The following RAB38 variants were observed in gnomAD, a reference collection of about 807,000 sequenced individuals.
RAB38 encodes the protein RAB38, member RAS oncogene family, also known as ras-related protein Rab-38.
Under a neutral mutation model 18.4 loss-of-function variants are expected in RAB38, and 15 were observed. The ratio of observed to expected loss-of-function variants is 0.82; its 90% CI spans 0.55 to 1.26. The LOEUF is 1.26. Ranked by LOEUF, RAB38 falls within the 50% of genes most tolerant of loss-of-function variation. The pLI is 0.00. For synonymous variants in RAB38, 101 were observed against 104.4 expected, an observed-to-expected ratio of 0.97 and a Z score of 0.20; for missense variants, 294 against 267.4, an observed-to-expected ratio of 1.10 and a Z score of -0.69.
the RAB38 span, among the ~76,000 whole-genome samples, chr11:87,948,506 C>T: frequency 1.3e-5 from 2 of 151,758 alleles, no homozygotes; most frequent in East Asian, 3.9e-4. Context: ...AGTTTTTGCC[C>T]ATTCAGTATG....
chr11:87,960,164 T>C, the RAB38 span, among the ~76,000 whole-genome samples: 2 of 152,096 alleles, frequency 1.3e-5, no homozygotes, highest in Non-Finnish European at 2.9e-5. Context: ...AGAAAAGTGC[T>C]TCTCAAAGTT....
At chr11:87,912,795 A>G in the RAB38 span, among the ~76,000 whole-genome samples, 4,928 of 84,706 alleles carry the variant, frequency 0.058, 341 homozygotes, top group African/African-American at 0.17. Context: ...TCCTTCAGGT[A>G]GAAGTTTTTT....
the RAB38 span, among the ~76,000 whole-genome samples, chr11:88,049,828 C>T: frequency 1.1e-4 from 16 of 152,318 alleles, no homozygotes; most frequent in East Asian, 1.9e-3. Flanking sequence ...AATTCACCGT[C>T]TGGGCCAAAT....
the RAB38 span, among the ~76,000 whole-genome samples, chr11:87,953,088 GATC>G: frequency 6.6e-6 from 1 of 151,992 alleles, no homozygotes; most frequent in South Asian, 2.1e-4. Context: ...GACTCCTGAT[GATC>G]ATTTCATATA....
At chr11:87,919,267 G>A in the RAB38 span, among the ~76,000 whole-genome samples, 1 of 151,858 alleles carries the variant, frequency 6.6e-6, no homozygotes, top group African/African-American at 2.4e-5. Context: ...GGCCTTTATT[G>A]TGTTGTGGAA....
At chr11:87,806,616 G>A in the RAB38 span, among the ~76,000 whole-genome samples, 2 of 151,882 alleles carry the variant, frequency 1.3e-5, no homozygotes, top group Non-Finnish European at 2.9e-5. Context: ...TTTATATCCT[G>A]TTTCATTTGT....
the RAB38 span, among the ~76,000 whole-genome samples, chr11:87,939,757 T>G: frequency 6.6e-6 from 1 of 152,184 alleles, no homozygotes; most frequent in Non-Finnish European, 1.5e-5. Context: ...TTAGGCATGG[T>G]GGCTCACGCC....
At chr11:87,878,971 A>ATTTTTTTT in the RAB38 span, among the ~76,000 whole-genome samples, 3 of 133,784 alleles carry the variant, frequency 2.2e-5, no homozygotes, top group Non-Finnish European at 4.8e-5. Flanking sequence ...GCAATTACTG[A>ATTTTTTTT]TTTTTTTTTT....
At chr11:87,940,050 GATCA>G in the RAB38 span, among the ~76,000 whole-genome samples, 1 of 150,526 alleles carries the variant, frequency 6.6e-6, no homozygotes, top group African/African-American at 2.4e-5. Flanking sequence ...CAGTAGAAAA[GATCA>G]AACAAAAAAT....
At chr11:88,034,033 T>C in the RAB38 span, among the ~76,000 whole-genome samples, 33 of 152,316 alleles carry the variant, frequency 2.2e-4, no homozygotes, top group South Asian at 6.8e-3. Flanking sequence ...TGCAGTTGTG[T>C]TGCACTTTTA....
intron 1 of RAB38, chr11:88,167,609 G>C (rs1342393270): frequency 6.6e-6 from 1 of 152,108 alleles, no homozygotes; most frequent in East Asian, 1.9e-4. Flanking sequence ...AGGTAGAAAA[G>C]ACAAAATTTA....
At chr11:88,083,333 C>T in the RAB38 span, among the ~76,000 whole-genome samples, 1 of 151,638 alleles carries the variant, frequency 6.6e-6, no homozygotes, top group Non-Finnish European at 1.5e-5. Context: ...TTCCTTGATT[C>T]AAAGACACAG....
the RAB38 span, among the ~76,000 whole-genome samples, chr11:88,072,201 A>C: frequency 6.6e-6 from 1 of 152,252 alleles, no homozygotes; most frequent in Admixed American, 6.5e-5. Context: ...TTGAAGAAAG[A>C]GGAAGCTTGT....
chr11:88,107,488 C>T, the RAB38 span, among the ~76,000 whole-genome samples: 2 of 151,942 alleles, frequency 1.3e-5, no homozygotes, highest in Non-Finnish European at 2.9e-5. Context: ...TAGCACTATA[C>T]TAAGTGTTTT....
At chr11:87,934,435 A>G in the RAB38 span, among the ~76,000 whole-genome samples, 6 of 152,286 alleles carry the variant, frequency 3.9e-5, no homozygotes, top group South Asian at 1.0e-3. Flanking sequence ...TGCTAACCTC[A>G]TAGGTAGCCT....
the RAB38 span, among the ~76,000 whole-genome samples, chr11:87,920,818 C>T: frequency 6.6e-6 from 1 of 152,022 alleles, no homozygotes; most frequent in Non-Finnish European, 1.5e-5. Flanking sequence ...TTGGTACTTC[C>T]ATGTTGGGTG....
the RAB38 span, among the ~76,000 whole-genome samples, chr11:87,978,014 TAA>T: frequency 5.3e-5 from 5 of 94,744 alleles, no homozygotes; most frequent in East Asian, 1.1e-3. Context: ...TAATATTATA[TAA>T]ATATATACTT....
intron 1 of RAB38, among the ~76,000 whole-genome samples, chr11:88,162,136 T>C (rs1943194517): frequency 6.6e-6 from 1 of 152,134 alleles, no homozygotes; most frequent in Non-Finnish European, 1.5e-5. Flanking sequence ...GCTGACATCC[T>C]AGTGATGGTG....
chr11:87,962,820 A>T, the RAB38 span, among the ~76,000 whole-genome samples: 1 of 152,154 alleles, frequency 6.6e-6, no homozygotes, highest in South Asian at 2.1e-4. Flanking sequence ...TTTTCACCAT[A>T]AAAAAATAAG....
Sources: allele counts gnomAD v4.1 joint callset (sites outside exome capture counted in the v4.1 genomes callset), GRCh38; gene constraint gnomAD v4.1.1; transcripts MANE v1.5; gene names NCBI Gene and HGNC (gene_info 2026-07-23, HGNC 2026-07-21).